Variants in BABAM2 observed in about 807,000 individuals in gnomAD.
BABAM2 encodes the protein BRISC and BRCA1-A complex member 2.
In BABAM2, 31 loss-of-function variants were observed where a neutral mutation model predicts 54.7. The ratio of observed to expected loss-of-function variants is 0.57; its 90% CI spans 0.43 to 0.77. BABAM2 has a LOEUF of 0.77. Among genes scored for constraint, BABAM2 ranks in the 30% least tolerant of loss-of-function variants. The probability of loss-of-function intolerance (pLI) is 0.00; values close to 1 mark genes in which losing one functional copy is unlikely to be tolerated. For synonymous variants in BABAM2, 167 were observed against 162.9 expected, an observed-to-expected ratio of 1.03 and a Z score of -0.19; for missense variants, 364 against 455.8, an observed-to-expected ratio of 0.80 and a Z score of 1.83.
intron 5 of BABAM2, among the ~76,000 whole-genome samples, chr2:28,029,561 A>G (rs956288194): frequency 1.3e-5 from 2 of 152,090 alleles, no homozygotes; most frequent in Non-Finnish European, 2.9e-5. Flanking sequence ...ATAGTGTTCA[A>G]TTGAGTGTAT....
At chr2:27,988,153 C>G (rs1037020979) in intron 4 of BABAM2, 66 bp downstream of exon 4, 6 of 1,460,308 alleles carry the variant, frequency 4.1e-6, no homozygotes, top group Non-Finnish European at 5.8e-6. Context: ...TGGCTTTCAG[C>G]AGTTGCTTAA....
At chr2:28,296,055 G>A (rs1314603276) in intron 10 of BABAM2, among the ~76,000 whole-genome samples, 1 of 152,226 alleles carries the variant, frequency 6.6e-6, no homozygotes, top group Non-Finnish European at 1.5e-5. Flanking sequence ...GTTGCAGTGA[G>A]CTGAGATCGT....
chr2:28,265,578 G>A (rs1684910979), intron 10 of BABAM2, among the ~76,000 whole-genome samples: 1 of 152,130 alleles, frequency 6.6e-6, no homozygotes, highest in African/African-American at 2.4e-5. Flanking sequence ...TGGGAAAGAG[G>A]TAGGGCTTGA....
intron 6 of BABAM2, among the ~76,000 whole-genome samples, chr2:28,092,170 C>T (rs1415920390): frequency 6.6e-6 from 1 of 151,962 alleles, no homozygotes; most frequent in Non-Finnish European, 1.5e-5. Flanking sequence ...AGGAAAAAGG[C>T]AAGGATGTAC....
chr2:27,965,850 CCTT>C (rs1285584858), intron 3 of BABAM2, among the ~76,000 whole-genome samples: 4 of 151,984 alleles, frequency 2.6e-5, no homozygotes, highest in African/African-American at 9.7e-5. Flanking sequence ...TTTTCCTCCT[CCTT>C]GTTTTCTTCA....
At chr2:28,115,581 G>A (rs1252339741) in intron 6 of BABAM2, among the ~76,000 whole-genome samples, 2 of 151,192 alleles carry the variant, frequency 1.3e-5, no homozygotes, top group African/African-American at 4.9e-5. Flanking sequence ...AGCCAAGATC[G>A]TGCCACTGCA....
At chr2:28,131,538 C>T (rs1670076876) in intron 7 of BABAM2, among the ~76,000 whole-genome samples, 1 of 152,178 alleles carries the variant, frequency 6.6e-6, no homozygotes, top group Admixed American at 6.5e-5. Context: ...AATGTAACTT[C>T]TCTGAGCTTG....
At chr2:28,089,479 A>G (rs1665975254) in intron 6 of BABAM2, among the ~76,000 whole-genome samples, 1 of 152,202 alleles carries the variant, frequency 6.6e-6, no homozygotes, top group African/African-American at 2.4e-5. Context: ...TTTTCTTCAC[A>G]GTCAGATTTT....
At chr2:28,273,369 T>G (rs1198901673) in intron 10 of BABAM2, among the ~76,000 whole-genome samples, 1 of 152,218 alleles carries the variant, frequency 6.6e-6, no homozygotes, top group Non-Finnish European at 1.5e-5. Context: ...CCTGTTCCAC[T>G]GTTCAATCTG....
At chr2:28,134,055 C>T (rs1241395115) in intron 7 of BABAM2, among the ~76,000 whole-genome samples, 5 of 152,130 alleles carry the variant, frequency 3.3e-5, no homozygotes, top group African/African-American at 1.2e-4. Context: ...CTGAGAAGAA[C>T]TTTGTGTTCT....
intron 7 of BABAM2, among the ~76,000 whole-genome samples, chr2:28,232,354 ACAGGCTG>A (rs1681490181): frequency 6.6e-6 from 1 of 152,198 alleles, no homozygotes; most frequent in Admixed American, 6.5e-5. Context: ...AAGCTTTCAG[ACAGGCTG>A]ACTCCCTGCA....
At chr2:27,998,501 A>G (rs183491496) in intron 4 of BABAM2, among the ~76,000 whole-genome samples, 1 of 152,054 alleles carries the variant, frequency 6.6e-6, no homozygotes, top group African/African-American at 2.4e-5. Context: ...ATATTATCAT[A>G]AGCATTTTTC....
chr2:28,209,104 C>T (rs2147980902), intron 7 of BABAM2, among the ~76,000 whole-genome samples: 2 of 152,262 alleles, frequency 1.3e-5, no homozygotes, highest in African/African-American at 4.8e-5. Context: ...TTTTGATATT[C>T]ATGGCCAGCT....
rs140224192 is a variant in BABAM2 at position 28,323,598 on chromosome 2, G to T, written c.1089-14852G>T. 4.9e-4 allele frequency among the ~76,000 whole-genome samples: 74 copies of T among 152,290 alleles called. 1 individual carries two copies. The highest frequency in any genetic ancestry group is 1.6e-3 in the African/African-American group (65 of 41,556). On this transcript the variant is annotated intron_variant, in intron 11 of 11. Transcript: ENST00000379624. ...GGTGAAGTGGCTTCTCCAAAGCAGC[G>T]TAGCAGAGAAAAGCAGAGCTGGAAT... is the stretch of plus-strand genomic sequence containing the variant.
At chr2:28,246,759 T>C (rs1028808648) in intron 10 of BABAM2, among the ~76,000 whole-genome samples, 6 of 152,212 alleles carry the variant, frequency 3.9e-5, no homozygotes, top group African/African-American at 1.4e-4. Flanking sequence ...TTATAACCTA[T>C]GTTTTCCACA....
intron 10 of BABAM2, among the ~76,000 whole-genome samples, chr2:28,253,096 A>G (rs1257054926): frequency 4.6e-5 from 7 of 152,208 alleles, no homozygotes; most frequent in African/African-American, 1.7e-4. Flanking sequence ...AATAATAGCA[A>G]TAACAGTTCA....
At position 28,184,672 on chromosome 2, in the gene BABAM2, G is replaced by A. The variant is rs184219604; in HGVS notation, c.681-52530G>A. Among the ~76,000 whole-genome samples the A allele has an allele frequency of 7.9e-3, 1,203 of 152,100 alleles. 12 individuals are homozygous for A. Among genetic ancestry groups the A allele is most frequent in the African/African-American group, 0.027 (1,140 of 41,482 alleles). On this transcript the variant is annotated intron_variant, in intron 7 of 11. Transcript: ENST00000379624. ...TGAACTCATCCTTTTCTATGGCTGC[G>A]TAGTATTCCATGGTGTATATGTGCC...
chr2:28,298,588 G>T, intron 11 of BABAM2, 97 bp downstream of exon 11: 1 of 1,410,462 alleles, frequency 7.1e-7, no homozygotes, highest in Non-Finnish European at 9.6e-7. Flanking sequence ...TTCCTGCCCT[G>T]TGCATGTTTT....
At chr2:28,175,835 G>A (rs1276825312) in intron 7 of BABAM2, among the ~76,000 whole-genome samples, 1 of 152,136 alleles carries the variant, frequency 6.6e-6, no homozygotes, top group Non-Finnish European at 1.5e-5. Flanking sequence ...AGGGGCCCAA[G>A]GATAGATACC....
Sources: allele counts gnomAD v4.1 joint callset (sites outside exome capture counted in the v4.1 genomes callset), GRCh38; gene constraint gnomAD v4.1.1; transcripts MANE v1.5; gene names NCBI Gene and HGNC (gene_info 2026-07-23, HGNC 2026-07-21).